The following TRPM3 variants were observed in gnomAD, a reference collection of about 807,000 sequenced individuals.
TRPM3 encodes transient receptor potential cation channel subfamily M member 3.
TRPM3 carries 77 observed loss-of-function variants against 181.2 expected under a neutral mutation model. The observed-to-expected ratio is 0.42, with a 90% CI of 0.35 to 0.51. TRPM3 has a LOEUF of 0.51. TRPM3 is among the 20% of genes least tolerant of loss of function. TRPM3 has a pLI of 0.01. For missense variants in TRPM3, 1,759 were observed against 2,196.7 expected (o/e 0.80, Z 3.98); for synonymous variants, 745 against 796.4 (o/e 0.94, Z 1.09).
chr9:71,236,193 G>A (rs2081341018), intron 1 of TRPM3, among the ~76,000 whole-genome samples: 2 of 152,160 alleles, frequency 1.3e-5, no homozygotes, highest in Admixed American at 6.5e-5. Context: ...CCTTTTGGCT[G>A]AAATTTAGAG....
chr9:71,129,941 T>C (rs1232127832), intron 1 of TRPM3, among the ~76,000 whole-genome samples: 65 of 152,348 alleles, frequency 4.3e-4, no homozygotes, highest in Non-Finnish European at 1.5e-4. Flanking sequence ...TTGTCTGTAC[T>C]CATTTGGTAT....
intron 1 of TRPM3, among the ~76,000 whole-genome samples, chr9:71,014,691 T>C (rs929750715): frequency 6.6e-6 from 1 of 152,172 alleles, no homozygotes; most frequent in African/African-American, 2.4e-5. Flanking sequence ...AATTGCCTAG[T>C]ATACTTCTAG....
chr9:71,006,826 G>A (rs1345996194), intron 1 of TRPM3, among the ~76,000 whole-genome samples: 2 of 144,940 alleles, frequency 1.4e-5, no homozygotes, highest in African/African-American at 2.6e-5. Flanking sequence ...AGCCGAGATC[G>A]CGCCACTGCA....
intron 21 of TRPM3, among the ~76,000 whole-genome samples, chr9:70,597,686 A>C (rs145836624): frequency 6.7e-4 from 102 of 152,318 alleles, no homozygotes; most frequent in Middle Eastern, 3.4e-3. Context: ...AGGGAAGCAT[A>C]TTAGCTTGTT....
intron 1 of TRPM3, among the ~76,000 whole-genome samples, chr9:71,109,680 C>T (rs2070605433): frequency 6.6e-6 from 1 of 152,036 alleles, no homozygotes; most frequent in African/African-American, 2.4e-5. Context: ...ATTATTAATG[C>T]ATGATATAAC....
At chr9:71,141,943 A>AATAT (rs2075127104) in intron 1 of TRPM3, among the ~76,000 whole-genome samples, 1 of 152,158 alleles carries the variant, frequency 6.6e-6, no homozygotes, top group African/African-American at 2.4e-5. Flanking sequence ...CTGGGGCCAT[A>AATAT]ATATATCCAA....
intron 1 of TRPM3, among the ~76,000 whole-genome samples, chr9:71,048,482 C>T (rs1397436003): frequency 6.6e-6 from 1 of 152,214 alleles, no homozygotes. Flanking sequence ...TCCAATCCGT[C>T]TTCCCCAAGC....
intron 1 of TRPM3, among the ~76,000 whole-genome samples, chr9:71,240,449 G>A (rs901863109): frequency 6.6e-6 from 1 of 152,056 alleles, no homozygotes; most frequent in African/African-American, 2.4e-5. Flanking sequence ...AAGAATAAAT[G>A]TATTATAACT....
chr9:70,638,364 G>A (rs113595098), intron 11 of TRPM3, among the ~76,000 whole-genome samples: 4 of 152,252 alleles, frequency 2.6e-5, no homozygotes, highest in South Asian at 2.1e-4. Flanking sequence ...GACTAAGACA[G>A]CCTCAGTTTC....
chr9:71,278,447 T>C (rs2084395573), intron 1 of TRPM3, among the ~76,000 whole-genome samples: 1 of 152,106 alleles, frequency 6.6e-6, no homozygotes, highest in African/African-American at 2.4e-5. Flanking sequence ...ATGCAAAAGA[T>C]ACCAAATCAG....
intron 1 of TRPM3, among the ~76,000 whole-genome samples, chr9:70,885,933 T>G (rs949211012): frequency 6.6e-6 from 1 of 152,186 alleles, no homozygotes; most frequent in African/African-American, 2.4e-5. Flanking sequence ...GAAACAAAAT[T>G]TGGCAACTTG....
chr9:71,185,229 GA>G (rs2077608818), intron 1 of TRPM3, among the ~76,000 whole-genome samples: 1 of 151,900 alleles, frequency 6.6e-6, no homozygotes, highest in Non-Finnish European at 1.5e-5. Context: ...GAGATATTAG[GA>G]AAAAAATCAG....
chr9:70,803,675 C>T (rs1467805650), intron 6 of TRPM3, among the ~76,000 whole-genome samples: 3 of 151,968 alleles, frequency 2.0e-5, no homozygotes, highest in Non-Finnish European at 1.5e-5. Flanking sequence ...TGGTCTCGAT[C>T]TCCTGACCTC....
At chr9:71,394,551 A>G (rs537649331) in intron 1 of TRPM3, among the ~76,000 whole-genome samples, 6 of 152,344 alleles carry the variant, frequency 3.9e-5, no homozygotes, top group East Asian at 3.9e-4. Flanking sequence ...GCACAGGCAT[A>G]TAAGTCAGCC....
At chr9:70,931,260 G>A (rs562186202) in intron 1 of TRPM3, among the ~76,000 whole-genome samples, 10 of 152,080 alleles carry the variant, frequency 6.6e-5, no homozygotes, top group African/African-American at 2.2e-4. Flanking sequence ...TGTATAATTC[G>A]AATTTAGAGA....
intron 1 of TRPM3, among the ~76,000 whole-genome samples, chr9:71,416,045 G>A (rs1679632949): frequency 6.7e-6 from 1 of 149,148 alleles, no homozygotes; most frequent in South Asian, 2.1e-4. Flanking sequence ...TTAGTTGACA[G>A]TGAGGCTCAG....
At chr9:70,966,980 T>C (rs1010919212) in intron 1 of TRPM3, among the ~76,000 whole-genome samples, 1 of 152,066 alleles carries the variant, frequency 6.6e-6, no homozygotes, top group African/African-American at 2.4e-5. Flanking sequence ...ATAAATGAAA[T>C]GTTTGTAATT....
intron 1 of TRPM3, among the ~76,000 whole-genome samples, chr9:71,013,652 AT>A: frequency 6.6e-6 from 1 of 152,110 alleles, no homozygotes; most frequent in South Asian, 2.1e-4. Flanking sequence ...ATTTTGATAA[AT>A]CATATTATCC....
intron 1 of TRPM3, among the ~76,000 whole-genome samples, chr9:70,966,672 A>G (rs1302198641): frequency 1.3e-5 from 2 of 152,166 alleles, no homozygotes; most frequent in African/African-American, 2.4e-5. Context: ...GTTCTCACTT[A>G]TAAGTGGGAG....
Sources: allele counts gnomAD v4.1 joint callset (sites outside exome capture counted in the v4.1 genomes callset), GRCh38; gene constraint gnomAD v4.1.1; transcripts MANE v1.5; gene names NCBI Gene and HGNC (gene_info 2026-07-23, HGNC 2026-07-21).